The following UMODL1 variants were observed in gnomAD, a reference collection of about 807,000 sequenced individuals.
UMODL1 encodes the protein uromodulin-like 1.
UMODL1 carries 128 observed loss-of-function variants against 136.3 expected under a neutral mutation model. The observed-to-expected ratio is 0.94, with a 90% confidence interval of 0.81 to 1.09. The LOEUF (loss-of-function observed/expected upper bound fraction) is 1.09. Among genes scored for constraint, UMODL1 ranks in the 50% least tolerant of loss-of-function variants. The pLI is 0.00. For missense variants in UMODL1, 1,766 were observed against 1,725.6 expected (o/e 1.02, Z -0.41); for synonymous variants, 721 against 720.0 (o/e 1.00, Z -0.02).
intron 9 of UMODL1, among the ~76,000 whole-genome samples, chr21:42,106,011 C>G (rs220115): frequency 0.61 from 92,988 of 152,130 alleles, 28,520 homozygotes; most frequent in East Asian, 0.71. Context: ...CAGGCTGTGG[C>G]CTGCTTCCTC....
At chr21:42,080,993 C>A (rs2066354987) in intron 2 of UMODL1, among the ~76,000 whole-genome samples, 1 of 152,228 alleles carries the variant, frequency 6.6e-6, no homozygotes. Context: ...TCATACCGTA[C>A]AAACACGACT....
intron 2 of UMODL1, among the ~76,000 whole-genome samples, chr21:42,080,412 G>T (rs1402438757): frequency 6.6e-6 from 1 of 152,110 alleles, no homozygotes; most frequent in Non-Finnish European, 1.5e-5. Context: ...AGCTACCCGG[G>T]GGTCTGCGCC....
rs1217100576 is a variant in UMODL1, at chr21:42,099,801, C to T, written c.1186+621C>T. On this transcript the variant is annotated intron_variant, in intron 7 of 22. Coordinates refer to ENST00000408910, the MANE Select transcript of UMODL1 (RefSeq NM_001004416.3). This position sits in a 1 kb window ranked among gnomAD's most constrained non-coding sequence, Gnocchi z 4.1. ...ACTCAAGTGATCCTGCCACCTCAGC[C>T]TCCCTAGTAGCTGGGACCACAGGCA... Among the ~76,000 whole-genome samples, 1 of 152,184 alleles carries T rather than the reference C, an allele frequency of 6.6e-6. No homozygotes were observed. The highest frequency in any genetic ancestry group is 1.5e-5 in the Non-Finnish European group (1 of 68,036).
intron 6 of UMODL1, among the ~76,000 whole-genome samples, chr21:42,094,506 C>G (rs928585592): frequency 6.6e-6 from 1 of 152,110 alleles, no homozygotes; most frequent in Non-Finnish European, 1.5e-5. Context: ...TCCGCATTGC[C>G]GTGGCCTTGG....
Position 42,111,727 on chromosome 21 carries a change from G to C in UMODL1, c.2104+17G>C, listed in dbSNP as rs778694883. 1 of 1,598,076 alleles carries C rather than the reference G, an allele frequency of 6.3e-7. No homozygotes were observed. Among genetic ancestry groups the C allele is most frequent in the South Asian group, 1.1e-5 (1 of 88,854 alleles). ...CCGCCTGTGGTGAGTTCCTCGAATG[G>C]TGCATGGGGACTAGGACTAATAGGA... On this transcript the variant is annotated intron_variant, in intron 12 of 22. Transcript: ENST00000408910.
intron 2 of UMODL1, among the ~76,000 whole-genome samples, chr21:42,083,812 G>T (rs2066390939): frequency 6.6e-6 from 1 of 152,252 alleles, no homozygotes; most frequent in East Asian, 1.9e-4. Flanking sequence ...GGAGCCCCCT[G>T]GACCTGGACT....
chr21:42,134,140 C>T (rs111670463), intron 21 of UMODL1, among the ~76,000 whole-genome samples: 9,445 of 152,236 alleles, frequency 0.062, 409 homozygotes, highest in Middle Eastern at 0.1. Flanking sequence ...AGGATGGTCT[C>T]GATCTCCTGA....
Position 42,121,117 on chromosome 21 carries a change from A to ACTGTGTGCC in UMODL1, c.2721_2729dup (p.Cys908_Pro910dup). The ACTGTGTGCC allele has an allele frequency of 6.2e-7, 1 of 1,613,996 alleles. No individual in the cohort carries two copies. The highest frequency in any genetic ancestry group is 8.5e-7 in the Non-Finnish European group (1 of 1,179,944). On this transcript the variant is annotated inframe_insertion, in exon 16 of 23. Transcript: ENST00000408910. ...GATGAGTGTGAAAGGAAGGAGGACG[A>ACTGTGTGCC]CTGTGTGCCGGGGACATCCTGTCGA... is the stretch of plus-strand genomic sequence containing the variant.
chr21:42,076,292 C>A, intron 2 of UMODL1, 45 bp downstream of exon 2: 2 of 1,607,108 alleles, frequency 1.2e-6, no homozygotes, highest in East Asian at 4.5e-5. Context: ...CCCTTGCCGT[C>A]GAGACGCCTG....
rs780551397 is a variant in UMODL1 at position 42,076,215 on chromosome 21, G to C, written c.287G>C (p.Gly96Ala). ...AGGAACGTGACTGACTGCTGTGAGG[G>C]CTATGAACAGCTCGGCCTCTACTGT... ...ESRNVTDCCE[G>A]YEQLGLYCVL... Residue 96 changes from glycine (G) to alanine (A), a missense_variant, in exon 2 of 23, where the codon GGC (glycine) becomes GCC (alanine). Gly to Ala is a moderately conservative substitution (Grantham distance 60). Transcript: ENST00000408910. 6.2e-7 allele frequency: 1 copy of C among 1,614,254 alleles called. No individual in the cohort carries two copies. The highest frequency in any genetic ancestry group is 8.5e-7 in the Non-Finnish European group (1 of 1,180,044).
chr21:42,075,120 G>C (rs181145262), intron 1 of UMODL1, among the ~76,000 whole-genome samples: 1,620 of 152,136 alleles, frequency 0.011, 13 homozygotes, highest in Middle Eastern at 0.041. Context: ...GGGTGGTCTC[G>C]ATCTCCTGAC....
chr21:42,092,169 C>G (rs566468007), intron 6 of UMODL1, among the ~76,000 whole-genome samples: 1 of 152,114 alleles, frequency 6.6e-6, no homozygotes, highest in Non-Finnish European at 1.5e-5. Flanking sequence ...GCCAGCAGCC[C>G]GGGTTAGGAA....
intron 11 of UMODL1, 44 bp downstream of exon 11, chr21:42,111,165 C>G (rs1184582777): frequency 6.3e-7 from 1 of 1,583,350 alleles, no homozygotes; most frequent in African/African-American, 1.3e-5. Context: ...CAGGGGAGCC[C>G]CAGCCAGGTG....
chr21:42,140,402 C>T (rs1003504866), intron 22 of UMODL1, among the ~76,000 whole-genome samples: 9 of 150,890 alleles, frequency 6.0e-5, no homozygotes, highest in Non-Finnish European at 1.2e-4. Flanking sequence ...TCCCAGGTCA[C>T]GTGGTTGGGA....
At chr21:42,076,669 C>T (rs1166536252) in intron 2 of UMODL1, among the ~76,000 whole-genome samples, 1 of 152,184 alleles carries the variant, frequency 6.6e-6, no homozygotes. Context: ...TCATATACCA[C>T]TGAGTGTGAG....
In UMODL1 at chr21:42,111,703, C is replaced by T. The variant is rs749192262; in HGVS notation, c.2097C>T (p.Pro699=). 1.4e-5 allele frequency: 22 copies of T among 1,610,056 alleles called. No individual in the cohort carries two copies. The African/African-American group carries it at 2.3e-4, about 17-fold the overall frequency. ...LTSTLTALKT[P]ACVPVSIGRI... ...CCACCCTCACAGCTCTGAAGACCCCCGCCTGTGGTGAGTTCCTCGAATGGT... is the reference window on the plus strand; with the variant it reads ...CCACCCTCACAGCTCTGAAGACCCCTGCCTGTGGTGAGTTCCTCGAATGGT... Residue 699 remains proline (P), a synonymous_variant, in exon 12 of 23, where the codon CCC becomes CCT. Transcript: ENST00000408910.
At chr21:42,082,733 C>A (rs1474919687) in intron 2 of UMODL1, among the ~76,000 whole-genome samples, 1 of 152,166 alleles carries the variant, frequency 6.6e-6, no homozygotes, top group African/African-American at 2.4e-5. Context: ...GCCGTCTTGG[C>A]AAAGGCACAC....
At chr21:42,095,089 G>GTTTTTGTTTT (rs2066539396) in intron 6 of UMODL1, among the ~76,000 whole-genome samples, 1 of 61,188 alleles carries the variant, frequency 1.6e-5, no homozygotes. Flanking sequence ...TTCTTCTGCT[G>GTTTTTGTTTT]TTTTTTTTTT....
chr21:42,078,670 C>T (rs1016328445), intron 2 of UMODL1, among the ~76,000 whole-genome samples: 1 of 123,838 alleles, frequency 8.1e-6, no homozygotes, highest in East Asian at 2.3e-4. Flanking sequence ...CCCAGAGCAA[C>T]ACCTCCATCA....
Sources: gnomAD v4.1 joint callset for allele counts (sites outside exome capture counted in the v4.1 genomes callset) on GRCh38, gnomAD v4.1.1 for gene constraint, Gnocchi (gnomAD v3.1) non-coding constraint, MANE v1.5 for transcripts, NCBI Gene and HGNC (gene_info 2026-07-23, HGNC 2026-07-21) for gene names.